The following PTPRM variants were observed in gnomAD, a reference collection of about 807,000 sequenced individuals.
The protein encoded by PTPRM is receptor-type tyrosine-protein phosphatase mu.
Under a neutral mutation model 186.7 loss-of-function variants are expected in PTPRM, and 47 were observed. The observed-to-expected ratio is 0.25, with a 90% confidence interval of 0.20 to 0.32. The LOEUF is 0.32. Ranked by LOEUF, PTPRM falls within the 10% of genes least tolerant of loss-of-function variation. PTPRM has a pLI of 1.00. For synonymous variants in PTPRM, 668 were observed against 674.9 expected (o/e 0.99, Z 0.16); for missense variants, 1,494 against 1,865.0 (o/e 0.80, Z 3.66).
chr18:8,049,640 G>A (rs1223294948), intron 7 of PTPRM, among the ~76,000 whole-genome samples: 1 of 150,514 alleles, frequency 6.6e-6, no homozygotes, highest in Non-Finnish European at 1.5e-5. Context: ...GTAAGACATA[G>A]AGAAACATAA....
intron 1 of PTPRM, among the ~76,000 whole-genome samples, chr18:7,754,559 TA>T (rs1418931853): frequency 1.3e-5 from 2 of 152,188 alleles, no homozygotes; most frequent in African/African-American, 2.4e-5. Flanking sequence ...CTTTCCATAT[TA>T]CCTGGAATAA....
chr18:7,762,119 A>G (rs111327881), intron 1 of PTPRM, among the ~76,000 whole-genome samples: 49 of 152,326 alleles, frequency 3.2e-4, no homozygotes, highest in African/African-American at 1.1e-3. Flanking sequence ...GCCCAGTGCA[A>G]TAGAGAAGAC....
At chr18:7,954,648 G>C (rs895769853) in intron 6 of PTPRM, among the ~76,000 whole-genome samples, 1 of 152,050 alleles carries the variant, frequency 6.6e-6, no homozygotes, top group African/African-American at 2.4e-5. Flanking sequence ...ACTACTACTT[G>C]AGAGAACTTT....
intron 14 of PTPRM, 38 bp downstream of exon 14, chr18:8,143,817 C>T (rs1270177242): frequency 6.2e-7 from 1 of 1,606,682 alleles, no homozygotes; most frequent in East Asian, 2.2e-5. Flanking sequence ...CAGTTATATC[C>T]CATTGTTTGC....
intron 7 of PTPRM, among the ~76,000 whole-genome samples, chr18:8,037,224 C>T (rs550909064): frequency 1.3e-5 from 2 of 152,332 alleles, no homozygotes; most frequent in South Asian, 2.1e-4. Context: ...GTGGCCTCTC[C>T]TCACACTTAA....
chr18:7,834,491 TACACAC>T (rs36162599), intron 2 of PTPRM, among the ~76,000 whole-genome samples: 19 of 84,608 alleles, frequency 2.2e-4, no homozygotes, highest in African/African-American at 3.9e-4. Context: ...TATACAAGTA[TACACAC>T]ACACACACAC....
chr18:8,193,175 G>C (rs1162486226), intron 14 of PTPRM, among the ~76,000 whole-genome samples: 1 of 152,164 alleles, frequency 6.6e-6, no homozygotes, highest in African/African-American at 2.4e-5. Flanking sequence ...TTCTATGTAA[G>C]ATATAGATAG....
chr18:7,914,579 A>G (rs1440929686), intron 4 of PTPRM, among the ~76,000 whole-genome samples: 1 of 151,902 alleles, frequency 6.6e-6, no homozygotes, highest in African/African-American at 2.4e-5. Flanking sequence ...ATTTATCACA[A>G]TGCTTACCAC....
At chr18:7,916,213 G>A (rs541617701) in intron 4 of PTPRM, among the ~76,000 whole-genome samples, 97 of 151,796 alleles carry the variant, frequency 6.4e-4, no homozygotes, top group Non-Finnish European at 1.0e-3. Flanking sequence ...GTATATCCAA[G>A]GAACAAAACT....
chr18:8,113,299 T>C (rs562126233), intron 11 of PTPRM, among the ~76,000 whole-genome samples, 187 bp from the exon 12 acceptor site: 1 of 152,334 alleles, frequency 6.6e-6, no homozygotes, highest in Non-Finnish European at 1.5e-5. Flanking sequence ...GAAGAAGAAC[T>C]GAAGAACCCT....
At chr18:7,600,941 C>T (rs1324450821) in intron 1 of PTPRM, among the ~76,000 whole-genome samples, 2 of 152,224 alleles carry the variant, frequency 1.3e-5, no homozygotes, top group African/African-American at 4.8e-5. Context: ...AACAGGCTCA[C>T]CTCCTGAGAA....
intron 29 of PTPRM, among the ~76,000 whole-genome samples, chr18:8,382,590 A>G (rs2095743979): frequency 2.6e-5 from 4 of 152,228 alleles, no homozygotes; most frequent in African/African-American, 9.6e-5. Flanking sequence ...CGGAAGCATT[A>G]TTTAAAAATA....
At chr18:8,107,108 A>G (rs1159643170) in intron 11 of PTPRM, among the ~76,000 whole-genome samples, 1 of 152,228 alleles carries the variant, frequency 6.6e-6, no homozygotes, top group Non-Finnish European at 1.5e-5. Context: ...CATACTTTTC[A>G]TAATAGTAAC....
chr18:8,108,288 C>A (rs755285654), intron 11 of PTPRM, among the ~76,000 whole-genome samples: 81 of 152,150 alleles, frequency 5.3e-4, no homozygotes, highest in Non-Finnish European at 9.7e-4. Flanking sequence ...GAACAATATT[C>A]TAAGTCCCTG....
chr18:7,992,603 G>A (rs993675846), intron 7 of PTPRM, among the ~76,000 whole-genome samples: 14 of 152,076 alleles, frequency 9.2e-5, no homozygotes, highest in African/African-American at 2.2e-4. Context: ...GAAACAAAAC[G>A]TTAACACACA....
intron 2 of PTPRM, among the ~76,000 whole-genome samples, chr18:7,823,372 A>G (rs2045310297): frequency 6.6e-6 from 1 of 152,228 alleles, no homozygotes; most frequent in African/African-American, 2.4e-5. Context: ...CCACAAACAG[A>G]AGGATGCCCA....
intron 19 of PTPRM, among the ~76,000 whole-genome samples, chr18:8,280,290 C>T (rs2094887018): frequency 6.6e-6 from 1 of 152,046 alleles, no homozygotes; most frequent in Non-Finnish European, 1.5e-5. Context: ...TTAGGATCCA[C>T]CCATATGACC....
chr18:8,088,855 TGGAACAGA>T lies in PTPRM; in HGVS notation c.1856+7_1856+14del. ...ACAGCAGAGGAGCACCTGTCAGGTA[TGGAACAGA>T]GGGTTGGGCCGGCTCTAGATAGAAG... On this transcript the variant is annotated splice_donor_5th_base_variant and intron_variant, in intron 11 of 32. Transcript: ENST00000580170. 1.9e-6 allele frequency: 3 copies of T among 1,595,968 alleles called. No individual in the cohort carries two copies. The highest frequency in any genetic ancestry group is 2.6e-6 in the Non-Finnish European group (3 of 1,163,940).
intron 32 of PTPRM, chr18:8,403,726 C>G (rs940381816): frequency 6.6e-6 from 1 of 152,190 alleles, no homozygotes; most frequent in Non-Finnish European, 1.5e-5. Flanking sequence ...CAGCCACTCC[C>G]CATTACCCAC....
Sources: allele counts gnomAD v4.1 joint callset (sites outside exome capture counted in the v4.1 genomes callset), GRCh38; gene constraint gnomAD v4.1.1; transcripts MANE v1.5; gene names NCBI Gene and HGNC (gene_info 2026-07-23, HGNC 2026-07-21).